COL5A2: variants seen among roughly 807,000 people sequenced by gnomAD.
COL5A2 encodes collagen type V alpha 2 chain, also known as collagen alpha-2(V) chain.
Under a neutral mutation model 208.2 loss-of-function variants are expected in COL5A2, and 23 were observed. The observed-to-expected ratio is 0.11, with a 90% CI of 0.08 to 0.16. The LOEUF (loss-of-function observed/expected upper bound fraction) is 0.16, where lower values mean the gene tolerates loss of function less well. Among genes scored for constraint, COL5A2 ranks in the 10% least tolerant of loss-of-function variants. COL5A2 has a pLI of 1.00. For synonymous variants in COL5A2, 625 were observed against 628.5 expected, an observed-to-expected ratio of 0.99 and a Z score of 0.08; for missense variants, 1,590 against 1,956.4, an observed-to-expected ratio of 0.81 and a Z score of 3.53.
intron 39 of COL5A2, 27 bp downstream of exon 39, chr2:189,052,884 A>G: frequency 1.2e-6 from 2 of 1,612,454 alleles, no homozygotes; most frequent in Non-Finnish European, 8.5e-7. Flanking sequence ...ACTTGACTCA[A>G]GTTATGCCTT....
chr2:189,418,570 A>G, the COL5A2 span, among the ~76,000 whole-genome samples: 1 of 152,226 alleles, frequency 6.6e-6, no homozygotes, highest in Non-Finnish European at 1.5e-5. Context: ...TAAGATAGAC[A>G]TGGACACGAA....
At chr2:189,189,455 C>G (rs551329590) in intron 1 of COL5A2, among the ~76,000 whole-genome samples, 12 of 152,116 alleles carry the variant, frequency 7.9e-5, no homozygotes, top group African/African-American at 2.6e-4. Context: ...AGGCCAAGGC[C>G]GGAGAATCAC....
At chr2:189,248,330 T>C in the COL5A2 span, among the ~76,000 whole-genome samples, 1 of 152,198 alleles carries the variant, frequency 6.6e-6, no homozygotes, top group Admixed American at 6.5e-5. Flanking sequence ...AAGAAACAGA[T>C]GTTGAATAAT....
chr2:189,200,991 A>G (rs1689061631), intron 1 of COL5A2, among the ~76,000 whole-genome samples: 1 of 150,628 alleles, frequency 6.6e-6, no homozygotes, highest in Non-Finnish European at 1.5e-5. Flanking sequence ...CAAAAGAAAT[A>G]TCATGGAAAC....
chr2:189,066,866 T>C, intron 21 of COL5A2, 84 bp from the exon 22 acceptor site: 2 of 1,077,188 alleles, frequency 1.9e-6, no homozygotes, highest in East Asian at 2.4e-5. Context: ...AAATAGGCTT[T>C]AAAAATTCTC....
the COL5A2 span, among the ~76,000 whole-genome samples, chr2:189,299,914 T>C: frequency 1.3e-5 from 2 of 152,172 alleles, no homozygotes; most frequent in Non-Finnish European, 2.9e-5. Flanking sequence ...TAACCTATTG[T>C]GCAAAGTGGA....
At chr2:189,113,169 C>G (rs1044175159) in intron 1 of COL5A2, among the ~76,000 whole-genome samples, 1 of 152,132 alleles carries the variant, frequency 6.6e-6, no homozygotes, top group Admixed American at 6.5e-5. Context: ...GTGGCTCACA[C>G]CTACAATCCC....
chr2:189,439,810 T>C, the COL5A2 span, among the ~76,000 whole-genome samples: 1 of 152,256 alleles, frequency 6.6e-6, no homozygotes, highest in South Asian at 2.1e-4. Context: ...TACCATACAG[T>C]AACATACAAC....
At chr2:189,178,372 G>A (rs1688716865) in intron 1 of COL5A2, among the ~76,000 whole-genome samples, 1 of 151,766 alleles carries the variant, frequency 6.6e-6, no homozygotes, top group South Asian at 2.1e-4. Flanking sequence ...TAAAAATATA[G>A]ATATATACAT....
At chr2:189,112,292 A>G (rs556433286) in intron 1 of COL5A2, among the ~76,000 whole-genome samples, 1 of 152,334 alleles carries the variant, frequency 6.6e-6, no homozygotes, top group South Asian at 2.1e-4. Context: ...TTTGTACTTC[A>G]TAAAAAGATG....
chr2:189,087,276 T>C (rs1325187911), intron 8 of COL5A2, among the ~76,000 whole-genome samples: 1 of 152,228 alleles, frequency 6.6e-6, no homozygotes, highest in Admixed American at 6.5e-5. Flanking sequence ...GGGTGATTTC[T>C]TTCTTTCACA....
intron 1 of COL5A2, among the ~76,000 whole-genome samples, chr2:189,200,833 T>TA (rs1335518464): frequency 1.3e-4 from 19 of 151,002 alleles, no homozygotes; most frequent in South Asian, 8.4e-4. Flanking sequence ...AGTACTGAAA[T>TA]AAAAAAAAAT....
chr2:189,139,594 C>T (rs1687896173), intron 1 of COL5A2, among the ~76,000 whole-genome samples: 2 of 152,150 alleles, frequency 1.3e-5, no homozygotes, highest in Middle Eastern at 3.4e-3. Context: ...TAGACAAAAA[C>T]TAAGAAAATC....
At chr2:189,264,784 A>G in the COL5A2 span, among the ~76,000 whole-genome samples, 1 of 152,224 alleles carries the variant, frequency 6.6e-6, no homozygotes, top group Non-Finnish European at 1.5e-5. Flanking sequence ...AAGAAAAGAC[A>G]GATGACATAC....
chr2:189,282,896 A>C, the COL5A2 span, among the ~76,000 whole-genome samples: 4 of 152,114 alleles, frequency 2.6e-5, no homozygotes, highest in Non-Finnish European at 2.9e-5. Context: ...TTCTAGGATA[A>C]ATTCAAAATA....
At chr2:189,431,729 C>A in the COL5A2 span, among the ~76,000 whole-genome samples, 1 of 152,136 alleles carries the variant, frequency 6.6e-6, no homozygotes, top group African/African-American at 2.4e-5. Flanking sequence ...GATTGGTGTA[C>A]CTGAAAGTGA....
chr2:189,388,164 AAC>A, the COL5A2 span, among the ~76,000 whole-genome samples: 1 of 152,192 alleles, frequency 6.6e-6, no homozygotes, highest in Admixed American at 6.6e-5. Context: ...TAGGCATAAG[AAC>A]ACAGCAATAA....
At chr2:189,271,331 C>T in the COL5A2 span, among the ~76,000 whole-genome samples, 22,470 of 151,970 alleles carry the variant, frequency 0.15, 2,851 homozygotes, top group African/African-American at 0.33. Context: ...TGGAACAGAA[C>T]AGAGACCTCA....
At chr2:189,273,021 T>C in the COL5A2 span, among the ~76,000 whole-genome samples, 3 of 152,310 alleles carry the variant, frequency 2.0e-5, no homozygotes, top group Non-Finnish European at 4.4e-5. Context: ...CTCTTCTTTA[T>C]AGTATTCTAA....
Sources: allele counts gnomAD v4.1 joint callset (sites outside exome capture counted in the v4.1 genomes callset), GRCh38; gene constraint gnomAD v4.1.1; transcripts MANE v1.5; gene names NCBI Gene and HGNC (gene_info 2026-07-23, HGNC 2026-07-21).